The following MYOM3 variants were observed in gnomAD, a reference collection of about 807,000 sequenced individuals.
MYOM3 encodes myomesin-3.
MYOM3 carries 155 observed loss-of-function variants against 191.7 expected under a neutral mutation model. The observed-to-expected ratio is 0.81, with a 90% CI of 0.71 to 0.92. The LOEUF (loss-of-function observed/expected upper bound fraction) is 0.92. MYOM3 is among the 40% of genes least tolerant of loss of function. The pLI is 0.00. For missense variants in MYOM3, 1,889 were observed against 1,890.6 expected (o/e 1.00, Z 0.02); for synonymous variants, 757 against 762.9 (o/e 0.99, Z 0.13).
rs1304147681 is a variant in MYOM3 at position 24,097,986 on chromosome 1, A to G, written c.682T>C (p.Tyr228His). Residue 228 changes from tyrosine (Y) to histidine (H), a missense_variant, in exon 7 of 37, where the codon TAC (tyrosine) becomes CAC (histidine). Coordinates refer to ENST00000374434, the MANE Select transcript of MYOM3 (RefSeq NM_152372.4). ...RRCAIEDSAT[Y>H]TVRVKNAHGQ... ...TGGGCGTTCTTCACTCGCACAGTGTAAGTTGCTGAGTCCTCAATGGCGCAT... is the reference window on the plus strand; with the variant it reads ...TGGGCGTTCTTCACTCGCACAGTGTGAGTTGCTGAGTCCTCAATGGCGCAT... 12 of 1,613,506 alleles carry G rather than the reference A, an allele frequency of 7.4e-6. No homozygotes were observed. The East Asian group carries it at 2.7e-4, about 36-fold the overall frequency.
rs1181154051 is a variant in MYOM3, at chr1:24,063,339, G to A, written c.3662-105C>T. ...GCCCTGGGGGGCAGGTGCTGTGGGG[G>A]AAATGCAGTGCTGTGAAGAGGCGGG... On this transcript the variant is annotated intron_variant, in intron 31 of 36. Coordinates refer to ENST00000374434, the MANE Select transcript of MYOM3 (RefSeq NM_152372.4). The surrounding 1 kb of genome is among the most constrained non-coding windows in gnomAD (Gnocchi z 4.5). The A allele has an allele frequency of 1.5e-6, 2 of 1,361,300 alleles. No homozygotes were observed. Among genetic ancestry groups the A allele is most frequent in the Non-Finnish European group, 2.1e-6 (2 of 953,434 alleles). 84.3% of individuals were successfully genotyped at this position (1,361,300 alleles called of 1,614,324 possible). A position where few individuals can be genotyped will look rare whatever the true frequency, so the allele number is the denominator to read the frequency against.
chr1:24,092,120 C>T, intron 11 of MYOM3, 54 bp downstream of exon 11: 1 of 1,393,408 alleles, frequency 7.2e-7, no homozygotes, highest in Non-Finnish European at 9.4e-7. Context: ...GTGGCTCCCA[C>T]CACCAGACAG....
intron 7 of MYOM3, among the ~76,000 whole-genome samples, chr1:24,097,542 C>G (rs1643885041): frequency 6.6e-6 from 1 of 152,196 alleles, no homozygotes; most frequent in African/African-American, 2.4e-5. Context: ...ACAGAGAGAG[C>G]TGAGTTCAAG....
chr1:24,077,753 T>TGACTGACCGAATGGCGGCC (rs1293254949), intron 20 of MYOM3, among the ~76,000 whole-genome samples: 24 of 152,236 alleles, frequency 1.6e-4, no homozygotes, highest in Admixed American at 7.2e-4. Context: ...AGCCGGTGGC[T>TGACTGACCGAATGGCGGCC]GACTGACCGA....
In MYOM3 at chr1:24,057,412, G is replaced by A. The variant is rs768823648; in HGVS notation, c.4266C>T (p.Ile1422=). 6 of 1,614,128 alleles carry A rather than the reference G, an allele frequency of 3.7e-6. No homozygotes were observed. The highest frequency in any genetic ancestry group is 5.1e-6 in the Non-Finnish European group (6 of 1,180,040). ...GCTCGTCCCCGTGCTTGAACACACT[G>A]ATGGTGACCTGGCCCGTCTCGGAGC... ...KYGSETGQVT[I]SVFKHGDEPK... is the part of the protein sequence containing the mutation. Residue 1422 remains isoleucine, a synonymous_variant, in exon 37 of 37, where the codon ATC becomes ATT. Coordinates refer to ENST00000374434, the MANE Select transcript of MYOM3 (RefSeq NM_152372.4).
In MYOM3 at chr1:24,096,055, C is replaced by G. The variant is rs557863450; in HGVS notation, c.746-569G>C. Among the ~76,000 whole-genome samples the G allele has an allele frequency of 2.6e-5, 4 of 152,318 alleles. No homozygotes were observed. The South Asian group carries it at 8.3e-4, about 32-fold the overall frequency. On this transcript the variant is annotated intron_variant, in intron 7 of 36. Transcript: ENST00000374434. The stretch of plus-strand genomic sequence containing the variant: ...CATTCTATCTTCACAACAGCCCTGT[C>G]AGTTGGTACTATTATTATCCTCTCA...
chr1:24,079,556 T>C (rs1392235192), intron 20 of MYOM3, among the ~76,000 whole-genome samples: 1 of 152,174 alleles, frequency 6.6e-6, no homozygotes, highest in African/African-American at 2.4e-5. Context: ...TTATACTGCC[T>C]GGCACAGGAT....
rs1322742773 is a variant in MYOM3 at position 24,067,010 on chromosome 1, G to A, written c.3423+11C>T. ...GCACTGGGCCTGGGGGCAGGGCAGG[G>A]CAGGACTTGCCTTGCACGTCAGCTG... On this transcript the variant is annotated intron_variant, in intron 28 of 36. Transcript: ENST00000374434. The A allele has an allele frequency of 4.5e-6, 7 of 1,562,890 alleles. No individual in the cohort carries two copies. In the East Asian group the frequency reaches 1.2e-4, roughly 27 times the overall value.
chr1:24,094,819 C>G (rs762695611), intron 9 of MYOM3, 34 bp downstream of exon 9: 2 of 1,590,536 alleles, frequency 1.3e-6, no homozygotes, highest in East Asian at 2.2e-5. Context: ...GGGGCCAGCT[C>G]TGGAGGCTGG....
At chr1:24,091,607 C>T (rs141081501) in intron 11 of MYOM3, among the ~76,000 whole-genome samples, 1 of 152,190 alleles carries the variant, frequency 6.6e-6, no homozygotes, top group Non-Finnish European at 1.5e-5. Flanking sequence ...ACTTTGGTTT[C>T]CCCATCTATA....
chr1:24,100,783 A>C (rs909512336), intron 5 of MYOM3, among the ~76,000 whole-genome samples: 4 of 151,562 alleles, frequency 2.6e-5, no homozygotes. Flanking sequence ...GCTACTCGGG[A>C]GGTTGAGGCA....
chr1:24,086,716 G>T lies in MYOM3; in HGVS notation c.1726C>A (p.Arg576=). ...CTCAGGCCATACTGGTTCATTGCTCGCACTCTGAAGACATACGACTTCTTT... is the reference window on the plus strand; with the variant it reads ...CTCAGGCCATACTGGTTCATTGCTCTCACTCTGAAGACATACGACTTCTTT... ...EKKKSYVFRV[R]AMNQYGLSDP... The change falls in exon 15 of 37, where the codon CGA becomes AGA. Residue 576 remains arginine (R), a synonymous_variant. Coordinates refer to ENST00000374434, the MANE Select transcript of MYOM3 (RefSeq NM_152372.4). The T allele has an allele frequency of 6.2e-7, 1 of 1,614,138 alleles. No individual in the cohort carries two copies. Among genetic ancestry groups the T allele is most frequent in the Non-Finnish European group, 8.5e-7 (1 of 1,180,008 alleles).
chr1:24,102,448 T>A (rs936445738), intron 5 of MYOM3, among the ~76,000 whole-genome samples: 10 of 151,954 alleles, frequency 6.6e-5, no homozygotes, highest in African/African-American at 2.4e-4. Flanking sequence ...GCTGGAGACC[T>A]CAACGCTCAC....
In MYOM3 at chr1:24,102,254, C is replaced by T. The variant is rs1271603622; in HGVS notation, c.561-2479G>A. On this transcript the variant is annotated intron_variant, in intron 5 of 36. Transcript: ENST00000374434. ...TGGCCCCCTCCTGAAAGGAGCTCCGCTAAACCTCCCACAGGGAGGGTGTTG... is the reference window on the plus strand; with the variant it reads ...TGGCCCCCTCCTGAAAGGAGCTCCGTTAAACCTCCCACAGGGAGGGTGTTG... 5.3e-5 allele frequency among the ~76,000 whole-genome samples: 8 copies of T among 152,306 alleles called. No individual in the cohort carries two copies. In the East Asian group the frequency reaches 1.5e-3, roughly 29 times the overall value.
rs1319964928 is a variant in MYOM3 at position 24,105,957 on chromosome 1, A to G, written c.523T>C (p.Cys175Arg). 1 of 1,613,852 alleles carries G rather than the reference A, an allele frequency of 6.2e-7. No individual in the cohort carries two copies. Among genetic ancestry groups the G allele is most frequent in the South Asian group, 1.1e-5 (1 of 91,042 alleles). Residue 175 changes from cysteine to arginine, a missense_variant, in exon 5 of 37, where the codon TGC (cysteine) becomes CGC (arginine). Physicochemically the swap from Cys to Arg is radical, Grantham distance 180. Coordinates refer to ENST00000374434, the MANE Select transcript of MYOM3 (RefSeq NM_152372.4). The part of the protein sequence containing the change: ...VWEHTTVLLT[C>R]TVQASPPPQV... ...GGTGGTGGTGAGGCCTGGACAGTGCAGGTCAGCAGGACCGTGGTGTGCTCC... is the reference window on the plus strand; with the variant it reads ...GGTGGTGGTGAGGCCTGGACAGTGCGGGTCAGCAGGACCGTGGTGTGCTCC...
In MYOM3 at chr1:24,056,043, G is replaced by C. The variant is rs1391138209; in HGVS notation, c.*1321C>G. 6.6e-6 allele frequency: 1 copy of C among 152,228 alleles called. No homozygotes were observed. The highest frequency in any genetic ancestry group is 6.5e-5 in the Admixed American group (1 of 15,278). 9.4% of individuals were successfully genotyped at this position (152,228 alleles called of 1,614,324 possible). A position where few individuals can be genotyped will look rare whatever the true frequency, so the allele number is the denominator to read the frequency against. On this transcript the variant is annotated 3_prime_UTR_variant, in exon 37 of 37. Transcript: ENST00000374434. The stretch of plus-strand genomic sequence containing the variant: ...AATCAGAGGCAGGTGTTACTTTGTG[G>C]TGTTGGGAGTATAGATTATGTTTAT...
At chr1:24,091,151 C>A (rs970688546) in intron 11 of MYOM3, among the ~76,000 whole-genome samples, 155 bp from the exon 12 acceptor site, 1 of 152,214 alleles carries the variant, frequency 6.6e-6, no homozygotes, top group African/African-American at 2.4e-5. Context: ...CTGGCTCCAA[C>A]CTCGGGCCCC....
chr1:24,057,999 GT>G (rs1557598553), intron 36 of MYOM3, among the ~76,000 whole-genome samples: 1 of 152,070 alleles, frequency 6.6e-6, no homozygotes, highest in East Asian at 1.9e-4. Flanking sequence ...TAGAGATGGG[GT>G]TTTGCCGTGT....
chr1:24,107,984 C>T lies in MYOM3; in HGVS notation c.242+9G>A, dbSNP rs1454369435. On this transcript the variant is annotated intron_variant, in intron 3 of 36. Transcript: ENST00000374434. ...AGCCACGGCTCCCTGGGAAGCTTCTCTGACTCACCAAGACAGCTCGGAGGA... is the reference window on the plus strand; with the variant it reads ...AGCCACGGCTCCCTGGGAAGCTTCTTTGACTCACCAAGACAGCTCGGAGGA... 2.5e-6 allele frequency: 4 copies of T among 1,611,496 alleles called. No homozygotes were observed. The highest frequency in any genetic ancestry group is 1.7e-5 in the Admixed American group (1 of 59,634).
Sources: allele counts gnomAD v4.1 joint callset (sites outside exome capture counted in the v4.1 genomes callset), GRCh38; gene constraint gnomAD v4.1.1; non-coding constraint Gnocchi (gnomAD v3.1); transcripts MANE v1.5; gene names NCBI Gene and HGNC (gene_info 2026-07-23, HGNC 2026-07-21).